The following SPATA18 variants were observed in gnomAD, a reference collection of about 807,000 sequenced individuals.
SPATA18 encodes spermatogenesis associated 18, also known as mitochondria-eating protein.
A neutral mutation model predicts 68.1 loss-of-function variants in SPATA18; 54 were observed. The observed-to-expected ratio is 0.79, with a 90% confidence interval of 0.64 to 0.99. SPATA18 has a LOEUF of 0.99. Ranked by LOEUF, SPATA18 falls within the 50% of genes least tolerant of loss-of-function variation. The probability of loss-of-function intolerance (pLI) is 0.00; values close to 1 mark genes in which losing one functional copy is unlikely to be tolerated. For missense variants in SPATA18, 724 were observed against 681.1 expected, an observed-to-expected ratio of 1.06 and a Z score of -0.70; for synonymous variants, 242 against 244.8, an observed-to-expected ratio of 0.99 and a Z score of 0.11.
At chr4:52,086,236 A>G (rs1379546056) in intron 11 of SPATA18, among the ~76,000 whole-genome samples, 2 of 152,202 alleles carry the variant, frequency 1.3e-5, no homozygotes, top group African/African-American at 2.4e-5. Context: ...AAACCCCTGC[A>G]GTTGATGAAA....
intron 3 of SPATA18, 26 bp from the exon 4 acceptor site, chr4:52,062,194 T>G (rs1348773882): frequency 3.0e-6 from 4 of 1,333,164 alleles, no homozygotes; most frequent in Non-Finnish European, 4.1e-6. Context: ...CTGTTTTTTT[T>G]TTTTTTTTTT....
At chr4:52,054,631 G>A (rs1365845725) in intron 1 of SPATA18, among the ~76,000 whole-genome samples, 2 of 151,980 alleles carry the variant, frequency 1.3e-5, no homozygotes, top group Non-Finnish European at 2.9e-5. Flanking sequence ...TACATCAAAG[G>A]TGGAGGCAGG....
intron 9 of SPATA18, among the ~76,000 whole-genome samples, chr4:52,080,526 A>G (rs1005134694): frequency 2.0e-5 from 3 of 152,160 alleles, no homozygotes; most frequent in Non-Finnish European, 2.9e-5. Context: ...TTGTATTGTG[A>G]TTTCTTGAGA....
Position 52,079,887 on chromosome 4 carries a change from T to G in SPATA18, c.1323T>G (p.Tyr441Ter). 6.2e-7 allele frequency: 1 copy of G among 1,613,426 alleles called. No homozygotes were observed. Among genetic ancestry groups the G allele is most frequent in the Non-Finnish European group, 8.5e-7 (1 of 1,179,738 alleles). ...QALEPPLDIA[Y>*]GADGEVFNDC... is the part of the protein sequence containing the mutation. ...TAGAACCACCCCTAGATATTGCATA[T>G]GGAGCAGATGGAGAAGTTTTTAATG... The change falls in exon 9 of 13, where the codon TAT (tyrosine) becomes TAG (stop). Residue 441 changes from tyrosine (Y) to a stop codon, truncating the protein, a stop_gained. Transcript: ENST00000295213. LOFTEE classifies it high-confidence loss of function.
At chr4:52,064,197 A>ATATG (rs1739131274) in intron 4 of SPATA18, among the ~76,000 whole-genome samples, 1 of 150,686 alleles carries the variant, frequency 6.6e-6, no homozygotes, top group South Asian at 2.1e-4. Context: ...ATATATATAT[A>ATATG]TATATATTCT....
Position 52,094,873 on chromosome 4 carries a change from T to C in SPATA18, c.1610-7T>C. Reference sequence around the variant, plus strand: ...CATAATAATGAACTGTCTATTTTTCTCCCTAGGATTTTAAAAGCACCAGAC... The same window carrying C: ...CATAATAATGAACTGTCTATTTTTCCCCCTAGGATTTTAAAAGCACCAGAC... On this transcript the variant is annotated splice_region_variant and splice_polypyrimidine_tract_variant and intron_variant, in intron 12 of 12. Coordinates refer to ENST00000295213, the MANE Select transcript of SPATA18 (RefSeq NM_145263.4). The C allele has an allele frequency of 5.6e-6, 9 of 1,614,008 alleles. No individual in the cohort carries two copies. The highest frequency in any genetic ancestry group is 7.6e-6 in the Non-Finnish European group (9 of 1,179,958).
rs1259443339 is a variant in SPATA18, at chr4:52,071,909, C to G, written c.519-8C>G. The G allele has an allele frequency of 6.2e-7, 1 of 1,612,702 alleles. No individual in the cohort carries two copies. Among genetic ancestry groups the G allele is most frequent in the African/African-American group, 1.3e-5 (1 of 74,938 alleles). ...TCCCTTCCTCTGCCCTCTCTCTTTG[C>G]TGTTCAGGCTTAAATCTCTTCAAGC... On this transcript the variant is annotated splice_region_variant and splice_polypyrimidine_tract_variant and intron_variant, in intron 5 of 12. Transcript: ENST00000295213.
At chr4:52,088,787 C>T (rs183708157) in intron 11 of SPATA18, among the ~76,000 whole-genome samples, 1 of 152,266 alleles carries the variant, frequency 6.6e-6, no homozygotes, top group African/African-American at 2.4e-5. Flanking sequence ...CAGGATGATG[C>T]TGGCCTCTTA....
intron 9 of SPATA18, among the ~76,000 whole-genome samples, chr4:52,081,501 T>C (rs1560604487): frequency 6.6e-6 from 1 of 152,232 alleles, no homozygotes; most frequent in Non-Finnish European, 1.5e-5. Flanking sequence ...TTCATTGTCT[T>C]GTTCTTGATC....
At chr4:52,090,895 C>A (rs2109536852) in intron 11 of SPATA18, among the ~76,000 whole-genome samples, 1 of 152,166 alleles carries the variant, frequency 6.6e-6, no homozygotes, top group East Asian at 1.9e-4. Flanking sequence ...CAGCTTGGTT[C>A]CATTCTCCCC....
intron 11 of SPATA18, among the ~76,000 whole-genome samples, chr4:52,093,378 A>G (rs1004867638): frequency 3.3e-5 from 5 of 152,150 alleles, no homozygotes; most frequent in Non-Finnish European, 5.9e-5. Flanking sequence ...TGGAATTTCA[A>G]TGGGCTAGGA....
rs1742368196 is a variant in SPATA18 at position 52,095,773 on chromosome 4, C to G, written c.*886C>G. On this transcript the variant is annotated 3_prime_UTR_variant, in exon 13 of 13. Transcript: ENST00000295213. The stretch of plus-strand genomic sequence containing the variant: ...AGACCTCCTATTGAACTCTGTCTGA[C>G]CAAAACTACTTAAACTCAAGGCCCA... 1 of 152,136 alleles carries G rather than the reference C, an allele frequency of 6.6e-6. No individual in the cohort carries two copies. The allele number at this position is 152,136 out of a possible 1,614,324, so 9.4% of individuals were successfully genotyped here. A position where few individuals can be genotyped will look rare whatever the true frequency, so the allele number is the denominator to read the frequency against.
chr4:52,086,458 C>T (rs1482295743), intron 11 of SPATA18, among the ~76,000 whole-genome samples: 1 of 152,112 alleles, frequency 6.6e-6, no homozygotes, highest in Non-Finnish European at 1.5e-5. Flanking sequence ...ATGTTCCCCT[C>T]CCTGTGTCCA....
chr4:52,068,068 G>A (rs1739461988), intron 4 of SPATA18, among the ~76,000 whole-genome samples: 1 of 152,160 alleles, frequency 6.6e-6, no homozygotes, highest in African/African-American at 2.4e-5. Flanking sequence ...GCTTATATGT[G>A]CATCCGCTTG....
At chr4:52,065,239 CAGA>C (rs1379922112) in intron 4 of SPATA18, among the ~76,000 whole-genome samples, 3 of 152,032 alleles carry the variant, frequency 2.0e-5, no homozygotes, top group African/African-American at 7.2e-5. Context: ...CTCCGCTGAG[CAGA>C]AGTTTATTTT....
At chr4:52,063,996 G>A (rs1159587992) in intron 4 of SPATA18, among the ~76,000 whole-genome samples, 1 of 152,094 alleles carries the variant, frequency 6.6e-6, no homozygotes, top group Non-Finnish European at 1.5e-5. Flanking sequence ...TCTTGTTTCA[G>A]TGACACTGTT....
intron 10 of SPATA18, 148 bp from the exon 11 acceptor site, chr4:52,084,768 G>A (rs1016059361): frequency 7.5e-6 from 5 of 665,962 alleles, no homozygotes; most frequent in East Asian, 2.8e-5. Flanking sequence ...GGAGGTGAAC[G>A]GAGTGTGGCT....
At chr4:52,062,199 T>G (rs1409876888) in intron 3 of SPATA18, 21 bp from the exon 4 acceptor site, 17 of 1,369,034 alleles carry the variant, frequency 1.2e-5, no homozygotes, top group Non-Finnish European at 1.7e-5. Context: ...TTTTTTTTTT[T>G]TTTTTGGTGT....
At chr4:52,067,095 G>A (rs1053496033) in intron 4 of SPATA18, among the ~76,000 whole-genome samples, 1 of 152,152 alleles carries the variant, frequency 6.6e-6, no homozygotes, top group African/African-American at 2.4e-5. Flanking sequence ...CACAATGGTT[G>A]AACTAATTTA....
Sources: allele counts gnomAD v4.1 joint callset (sites outside exome capture counted in the v4.1 genomes callset), GRCh38; gene constraint gnomAD v4.1.1; transcripts MANE v1.5; gene names NCBI Gene and HGNC (gene_info 2026-07-23, HGNC 2026-07-21).